The following DAB1 variants were observed in gnomAD, a reference collection of about 807,000 sequenced individuals.
The protein encoded by DAB1 is DAB adaptor protein 1.
A neutral mutation model predicts 64.6 loss-of-function variants in DAB1; 15 were observed. That is an observed-to-expected ratio of 0.23 (90% confidence interval 0.16 to 0.36). The LOEUF is 0.36. Ranked by LOEUF, DAB1 falls within the 10% of genes least tolerant of loss-of-function variation. The pLI is 1.00. For synonymous variants in DAB1, 235 were observed against 251.9 expected, an observed-to-expected ratio of 0.93 and a Z score of 0.64; for missense variants, 596 against 706.7, an observed-to-expected ratio of 0.84 and a Z score of 1.78.
chr1:58,368,920 G>A (rs532084261), intron 3 of DAB1, among the ~76,000 whole-genome samples: 1 of 152,270 alleles, frequency 6.6e-6, no homozygotes, highest in South Asian at 2.1e-4. Flanking sequence ...CCAGTTACTT[G>A]GGGGGCTGAA....
intron 2 of DAB1, among the ~76,000 whole-genome samples, chr1:57,198,229 G>C (rs1040059064): frequency 1.3e-5 from 2 of 151,034 alleles, no homozygotes; most frequent in Non-Finnish European, 3.0e-5. Context: ...TCCCTTCCTA[G>C]TGTCTATGAA....
rs561894836 is a variant in DAB1, at chr1:58,299,434, A to G, written n.309+43918T>C. ...GGAACGTATTAGAACTTCTATTCAC[A>G]TTTATTTTAATACAGCATTTCTTAA... On this transcript the variant is annotated intron_variant and non_coding_transcript_variant, in intron 4 of 20. Transcript: ENST00000485760. 1.1e-3 allele frequency among the ~76,000 whole-genome samples: 167 copies of G among 152,350 alleles called. 1 individual carries two copies. Among genetic ancestry groups the G allele is most frequent in the African/African-American group, 3.9e-3 (161 of 41,588 alleles).
intron 2 of DAB1, among the ~76,000 whole-genome samples, chr1:57,264,950 C>T (rs1030399256): frequency 1.3e-5 from 2 of 152,120 alleles, no homozygotes; most frequent in Admixed American, 1.3e-4. Context: ...TTTACTGTAA[C>T]CTCATTTAAT....
intron 3 of DAB1, among the ~76,000 whole-genome samples, chr1:58,386,733 G>A (rs1335732267): frequency 6.6e-6 from 1 of 152,188 alleles, no homozygotes; most frequent in African/African-American, 2.4e-5. Flanking sequence ...TTAGAAGGCT[G>A]TCATACAGAT....
chr1:57,655,575 C>T (rs1314393605), intron 6 of DAB1, among the ~76,000 whole-genome samples: 1 of 152,168 alleles, frequency 6.6e-6, no homozygotes, highest in Admixed American at 6.5e-5. Context: ...ACTTACATTC[C>T]TACCCTTACG....
chr1:57,163,568 G>T (rs1660958008), intron 2 of DAB1, among the ~76,000 whole-genome samples: 1 of 152,052 alleles, frequency 6.6e-6, no homozygotes, highest in Admixed American at 6.6e-5. Flanking sequence ...CACGCTGGTG[G>T]TGGGGGCGGC....
At chr1:57,155,836 C>CA in intron 2 of DAB1, among the ~76,000 whole-genome samples, 1 of 150,316 alleles carries the variant, frequency 6.7e-6, no homozygotes, top group East Asian at 2.0e-4. Context: ...TCACTATTAG[C>CA]ATATAGAAAT....
At chr1:57,368,802 GT>G (rs2100927580) in intron 1 of DAB1, among the ~76,000 whole-genome samples, 2 of 152,114 alleles carry the variant, frequency 1.3e-5, no homozygotes, top group East Asian at 3.9e-4. Flanking sequence ...GCCAACAAAG[GT>G]TTCCAGACAG....
At chr1:57,499,662 C>T (rs987284528) in intron 7 of DAB1, among the ~76,000 whole-genome samples, 2 of 152,188 alleles carry the variant, frequency 1.3e-5, no homozygotes, top group African/African-American at 4.8e-5. Flanking sequence ...AAATGTGTTA[C>T]TGAAATGAAG....
At chr1:58,114,431 TGAGA>T (rs1393510383) in intron 5 of DAB1, among the ~76,000 whole-genome samples, 2 of 152,164 alleles carry the variant, frequency 1.3e-5, no homozygotes, top group Non-Finnish European at 2.9e-5. Flanking sequence ...TGGATAACAT[TGAGA>T]GAGATAGGTA....
At chr1:57,296,554 C>CA (rs1443351464) in intron 1 of DAB1, among the ~76,000 whole-genome samples, 1 of 151,768 alleles carries the variant, frequency 6.6e-6, no homozygotes, top group Non-Finnish European at 1.5e-5. Flanking sequence ...TCAAAACAAA[C>CA]AAAAAATGAT....
At chr1:57,698,090 C>G (rs1372182027) in intron 6 of DAB1, among the ~76,000 whole-genome samples, 1 of 143,172 alleles carries the variant, frequency 7.0e-6, no homozygotes, top group Non-Finnish European at 1.5e-5. Context: ...AACTTGTCCA[C>G]TTTTTTTTTT....
At chr1:58,438,340 T>C (rs1258540099) in intron 3 of DAB1, among the ~76,000 whole-genome samples, 1 of 152,222 alleles carries the variant, frequency 6.6e-6, no homozygotes, top group Non-Finnish European at 1.5e-5. Flanking sequence ...TAATCAAGTC[T>C]TGAGGGTCAG....
At chr1:58,264,900 T>G (rs1309833885) in intron 4 of DAB1, among the ~76,000 whole-genome samples, 3 of 152,238 alleles carry the variant, frequency 2.0e-5, no homozygotes, top group Non-Finnish European at 4.4e-5. Context: ...ATAAGCCTAT[T>G]GTCATCTATA....
At position 58,228,977 on chromosome 1, in the gene DAB1, C is replaced by T. The variant is rs547308067; in HGVS notation, n.310-78389G>A. ...TGCTGTCCTGTCACAGCACATGCTC[C>T]ACCAGCCCGAAGCCCCTGTCCCACC... On this transcript the variant is annotated intron_variant and non_coding_transcript_variant, in intron 4 of 20. Coordinates refer to the DAB1 transcript ENST00000485760. 61 of 443,160 alleles carry T rather than the reference C, an allele frequency of 1.4e-4. No homozygotes were observed. The East Asian group carries it at 3.1e-3, about 23-fold the overall frequency. 27.5% of individuals were successfully genotyped at this position (443,160 alleles called of 1,614,324 possible).
At chr1:57,543,740 G>A (rs1425095359) in intron 7 of DAB1, among the ~76,000 whole-genome samples, 2 of 151,724 alleles carry the variant, frequency 1.3e-5, no homozygotes, top group East Asian at 3.9e-4. Flanking sequence ...GAAAACCACA[G>A]GAGCAAAGAA....
intron 9 of DAB1, 53 bp from the exon 10 acceptor site, chr1:57,026,096 G>T (rs1333551754): frequency 2.1e-6 from 3 of 1,401,906 alleles, no homozygotes; most frequent in Admixed American, 3.5e-5. Flanking sequence ...GGTGCTGCTG[G>T]GCCCTGCTTT....
At chr1:58,515,542 T>G (rs1049501091) in intron 2 of DAB1, among the ~76,000 whole-genome samples, 1 of 152,224 alleles carries the variant, frequency 6.6e-6, no homozygotes, top group Non-Finnish European at 1.5e-5. Flanking sequence ...CAAGCCTGTC[T>G]CATTTTTCTG....
intron 2 of DAB1, among the ~76,000 whole-genome samples, chr1:58,525,945 G>GA (rs1553124571): frequency 1.3e-5 from 2 of 151,994 alleles, no homozygotes; most frequent in South Asian, 2.1e-4. Context: ...GAAGTCTGGT[G>GA]AAAAAAAGGT....
Sources: allele counts gnomAD v4.1 joint callset (sites outside exome capture counted in the v4.1 genomes callset), GRCh38; gene constraint gnomAD v4.1.1; transcripts MANE v1.5; gene names NCBI Gene and HGNC (gene_info 2026-07-23, HGNC 2026-07-21).